Variants in MGMT observed in about 807,000 individuals in gnomAD.
MGMT encodes methylated-DNA--protein-cysteine methyltransferase.
In MGMT, 14 loss-of-function variants were observed where a neutral mutation model predicts 15.9. The observed-to-expected ratio is 0.88, with a 90% CI of 0.58 to 1.37. The LOEUF is 1.37. Among genes scored for constraint, MGMT ranks in the 40% most tolerant of loss-of-function variants. MGMT has a pLI of 0.00. For synonymous variants in MGMT, 130 were observed against 118.2 expected, an observed-to-expected ratio of 1.10 and a Z score of -0.65; for missense variants, 282 against 268.1, an observed-to-expected ratio of 1.05 and a Z score of -0.36.
At chr10:129,650,159 A>G (rs1847440189) in intron 2 of MGMT, among the ~76,000 whole-genome samples, 1 of 152,238 alleles carries the variant, frequency 6.6e-6, no homozygotes, top group Non-Finnish European at 1.5e-5. Flanking sequence ...CTTCTAGCGA[A>G]TAATCCCTGG....
chr10:129,570,109 G>A (rs55863848), intron 2 of MGMT, among the ~76,000 whole-genome samples: 4,963 of 152,320 alleles, frequency 0.033, 130 homozygotes, highest in South Asian at 0.065. Flanking sequence ...AGACCCTCAC[G>A]TGCATGGCCG....
At chr10:129,658,177 G>A (rs1199253767) in intron 2 of MGMT, among the ~76,000 whole-genome samples, 4 of 152,110 alleles carry the variant, frequency 2.6e-5, no homozygotes, top group African/African-American at 7.2e-5. Flanking sequence ...AATGGAAGAC[G>A]GGCTTCTGGC....
chr10:129,522,932 C>T (rs7097774), intron 1 of MGMT, among the ~76,000 whole-genome samples: 40,798 of 152,168 alleles, frequency 0.27, 7,011 homozygotes, highest in African/African-American at 0.49. Context: ...CACATGTTAC[C>T]TATTCTCTAA....
At chr10:129,719,099 T>G (rs908294483) in intron 3 of MGMT, among the ~76,000 whole-genome samples, 5 of 150,082 alleles carry the variant, frequency 3.3e-5, no homozygotes, top group Admixed American at 6.6e-5. Flanking sequence ...CCCATTCAGC[T>G]GTGTCACCTT....
At chr10:129,505,552 TG>T (rs1207362933) in intron 1 of MGMT, among the ~76,000 whole-genome samples, 1 of 152,198 alleles carries the variant, frequency 6.6e-6, no homozygotes, top group Non-Finnish European at 1.5e-5. Flanking sequence ...TTACTCTGGG[TG>T]TGAGCAAGCT....
chr10:129,640,727 C>G (rs549998693), intron 2 of MGMT, among the ~76,000 whole-genome samples: 1 of 152,222 alleles, frequency 6.6e-6, no homozygotes, highest in African/African-American at 2.4e-5. Flanking sequence ...AGGAATATTA[C>G]CAACTTGAAA....
At chr10:129,521,012 G>A (rs1032553086) in intron 1 of MGMT, among the ~76,000 whole-genome samples, 3 of 152,088 alleles carry the variant, frequency 2.0e-5, no homozygotes, top group African/African-American at 4.8e-5. Flanking sequence ...GGGCCCCTAC[G>A]GCACGCAGGC....
intron 3 of MGMT, among the ~76,000 whole-genome samples, chr10:129,723,447 GC>G (rs1377296151): frequency 6.6e-6 from 1 of 152,136 alleles, no homozygotes; most frequent in East Asian, 1.9e-4. Context: ...TAAAGGAGAA[GC>G]TGAAACTCTA....
intron 2 of MGMT, among the ~76,000 whole-genome samples, chr10:129,616,223 C>T (rs1334834266): frequency 1.6e-4 from 24 of 152,228 alleles, no homozygotes; most frequent in Non-Finnish European, 5.9e-5. Context: ...CATACTCCTA[C>T]ATACATGCCA....
intron 2 of MGMT, among the ~76,000 whole-genome samples, chr10:129,595,557 C>T (rs1182258117): frequency 2.6e-5 from 4 of 152,100 alleles, no homozygotes; most frequent in Non-Finnish European, 5.9e-5. Flanking sequence ...GGGTCTGACA[C>T]TACCCAGGGT....
intron 2 of MGMT, among the ~76,000 whole-genome samples, chr10:129,594,446 A>C (rs999468021): frequency 6.6e-6 from 1 of 152,228 alleles, no homozygotes; most frequent in Non-Finnish European, 1.5e-5. Context: ...TCAGTCTTAC[A>C]CTGTGTTCTT....
At chr10:129,501,886 G>T (rs1333266500) in intron 1 of MGMT, among the ~76,000 whole-genome samples, 1 of 152,214 alleles carries the variant, frequency 6.6e-6, no homozygotes, top group African/African-American at 2.4e-5. Flanking sequence ...TCCTTCAAGG[G>T]TGGCTTGGTC....
At chr10:129,543,403 A>G (rs987639803) in intron 2 of MGMT, among the ~76,000 whole-genome samples, 14 of 152,136 alleles carry the variant, frequency 9.2e-5, no homozygotes, top group African/African-American at 3.1e-4. Context: ...CACTGCGGAG[A>G]ATCCCAGGCT....
At chr10:129,698,903 A>G (rs1372238972) in intron 2 of MGMT, among the ~76,000 whole-genome samples, 1 of 152,240 alleles carries the variant, frequency 6.6e-6, no homozygotes, top group African/African-American at 2.4e-5. Context: ...AGGCACCGCA[A>G]GTGGGGTCTC....
chr10:129,467,406 C>G, intron 1 of MGMT, 110 bp downstream of exon 1: 1 of 1,374,086 alleles, frequency 7.3e-7, no homozygotes. Context: ...GGGTGTGGGG[C>G]CGCCCTGACC....
intron 3 of MGMT, among the ~76,000 whole-genome samples, chr10:129,754,705 G>C (rs1346369262): frequency 1.3e-5 from 2 of 152,162 alleles, no homozygotes; most frequent in African/African-American, 4.8e-5. Flanking sequence ...CCACCCCGTG[G>C]TGGAAGGCAT....
At position 129,556,925 on chromosome 10, in the gene MGMT, A is replaced by AG. The variant is rs35238247; in HGVS notation, c.125+20554dup. 2.2e-3 allele frequency among the ~76,000 whole-genome samples: 342 copies of AG among 152,152 alleles called. 1 individual carries two copies. Among genetic ancestry groups the AG allele is most frequent in the African/African-American group, 7.8e-3 (325 of 41,518 alleles). On this transcript the variant is annotated intron_variant, in intron 2 of 4. Transcript: ENST00000651593. The surrounding 1 kb of genome is among the most constrained non-coding windows in gnomAD (Gnocchi z 4.3). Reference sequence around the variant, plus strand: ...TGTTTGTGAGGCTACCCTTCATTGAAGGGGGGCCCGTGATGTTGAGTGTTC... The same window carrying AG: ...TGTTTGTGAGGCTACCCTTCATTGAAGGGGGGGCCCGTGATGTTGAGTGTTC...
At chr10:129,502,344 A>G (rs1394172875) in intron 1 of MGMT, among the ~76,000 whole-genome samples, 3 of 152,178 alleles carry the variant, frequency 2.0e-5, no homozygotes, top group South Asian at 2.1e-4. Flanking sequence ...GAGATAACGC[A>G]TGTAAAGCAC....
intron 3 of MGMT, among the ~76,000 whole-genome samples, chr10:129,748,155 G>T (rs541362341): frequency 4.3e-4 from 66 of 152,320 alleles, no homozygotes; most frequent in African/African-American, 1.5e-3. Flanking sequence ...GCTCCTTGAA[G>T]ACAGAGTATC....
Sources: allele counts gnomAD v4.1 joint callset (sites outside exome capture counted in the v4.1 genomes callset), GRCh38; gene constraint gnomAD v4.1.1; non-coding constraint Gnocchi (gnomAD v3.1); transcripts MANE v1.5; gene names NCBI Gene and HGNC (gene_info 2026-07-23, HGNC 2026-07-21).